The following PDZD7 variants were observed in gnomAD, a reference collection of about 807,000 sequenced individuals.
PDZD7 encodes the protein PDZ domain-containing protein 7.
In PDZD7, 72 loss-of-function variants were observed where a neutral mutation model predicts 84.7. That is an observed-to-expected ratio of 0.85 (90% CI 0.70 to 1.03). PDZD7 has a LOEUF of 1.03. Among genes scored for constraint, PDZD7 ranks in the 50% least tolerant of loss-of-function variants. The probability of loss-of-function intolerance (pLI) is 0.00; values close to 1 mark genes in which losing one functional copy is unlikely to be tolerated. For synonymous variants in PDZD7, 594 were observed against 580.7 expected (o/e 1.02, Z -0.33); for missense variants, 1,490 against 1,412.9 (o/e 1.05, Z -0.87).
rs1362123016 is a variant in PDZD7 at position 101,010,625 on chromosome 10, G to A, written c.2264C>T (p.Pro755Leu). ...PLRPNWLLTE[P>L]LSREHPPQSQ... ...CTGCGGAGGGTGCTCTCGGCTCAGG[G>A]GTTCTGTCAGCAGCCAGTTAGGCCG... Residue 755 changes from proline to leucine, a missense_variant, in exon 15 of 17, where the codon CCC (proline) becomes CTC (leucine). By Grantham distance (98) the Pro-to-Leu change is moderately conservative. Coordinates refer to ENST00000619208, the MANE Select transcript of PDZD7 (RefSeq NM_001195263.2). 1 of 1,504,782 alleles carries A rather than the reference G, an allele frequency of 6.6e-7. No homozygotes were observed. Among genetic ancestry groups the A allele is most frequent in the Admixed American group, 2.0e-5 (1 of 49,686 alleles). 93.2% of individuals were successfully genotyped at this position (1,504,782 alleles called of 1,614,324 possible).
Position 101,018,930 on chromosome 10 carries a change from G to T in PDZD7, c.1216C>A (p.Arg406Ser). 6.2e-7 allele frequency: 1 copy of T among 1,602,908 alleles called. No homozygotes were observed. Among genetic ancestry groups the T allele is most frequent in the Non-Finnish European group, 8.5e-7 (1 of 1,175,448 alleles). ...AIRSDGPHPG[R>S]RLDSALSESP... ...TCAGAGAGCGCAGAGTCAAGGCGGC[G>T]GCCGGGATGGGGGCCGTCCGAGCGG... The change falls in exon 8 of 17, where the codon CGC becomes AGC. Residue 406 changes from arginine (R) to serine (S), a missense_variant. Arg to Ser is a moderately radical substitution (Grantham distance 110, BLOSUM62 -1). Transcript: ENST00000619208.
Position 101,008,305 on chromosome 10 carries a change from CAGCTGAGGAGGGAAGAA to C in PDZD7, c.*145_*161del. 1 of 778,206 alleles carries C rather than the reference CAGCTGAGGAGGGAAGAA, an allele frequency of 1.3e-6. No homozygotes were observed. 48.2% of individuals were successfully genotyped at this position (778,206 alleles called of 1,614,324 possible). Reference sequence around the variant, plus strand: ...GGACACTAAGGCAGAGCCTTAATGACAGCTGAGGAGGGAAGAAAGTGGAAAGATGTGAGCCACCAGTG... The same window carrying C: ...GGACACTAAGGCAGAGCCTTAATGACAGTGGAAAGATGTGAGCCACCAGTG... On this transcript the variant is annotated 3_prime_UTR_variant, in exon 17 of 17. Coordinates refer to ENST00000619208, the MANE Select transcript of PDZD7 (RefSeq NM_001195263.2).
At chr10:101,019,456 TCA>T (rs961534685) in intron 7 of PDZD7, among the ~76,000 whole-genome samples, 2 of 152,046 alleles carry the variant, frequency 1.3e-5, no homozygotes, top group African/African-American at 4.8e-5. Context: ...CCGCAGATTC[TCA>T]GAGGGGAGCC....
Position 101,012,166 on chromosome 10 carries a change from C to T in PDZD7, c.1841+1G>A. On this transcript the variant is annotated splice_donor_variant, in intron 12 of 16. Transcript: ENST00000619208. LOFTEE classifies it high-confidence loss of function. Reference sequence around the variant, plus strand: ...AAGCCCTCTCTGCAACCTCCTCCCACCTGATGTCCTGCAGCAGTAGCAGCT... The same window carrying T: ...AAGCCCTCTCTGCAACCTCCTCCCATCTGATGTCCTGCAGCAGTAGCAGCT... 6.4e-7 allele frequency: 1 copy of T among 1,550,496 alleles called. No homozygotes were observed. Among genetic ancestry groups the T allele is most frequent in the Non-Finnish European group, 8.7e-7 (1 of 1,146,944 alleles).
At position 101,019,128 on chromosome 10, in the gene PDZD7, C is replaced by T. The variant is rs771074809; in HGVS notation, c.1018G>A (p.Gly340Ser). The T allele has an allele frequency of 3.2e-6, 5 of 1,547,668 alleles. No homozygotes were observed. Among genetic ancestry groups the T allele is most frequent in the Admixed American group, 1.9e-5 (1 of 52,354 alleles). The change falls in exon 8 of 17, where the codon GGC (glycine) becomes AGC (serine). Residue 340 changes from glycine (G) to serine (S), a missense_variant. Coordinates refer to ENST00000619208, the MANE Select transcript of PDZD7 (RefSeq NM_001195263.2). The stretch of plus-strand genomic sequence containing the variant: ...TCCATGCGGTCCGACGGCAGGGAGC[C>T]CGAGCTGTAGGGGGCGCTGGAGGCG... Reference protein sequence around the residue: ...SCASSAPYSSGSLPSDRMDIC... With the variant: ...SCASSAPYSSSSLPSDRMDIC...
In PDZD7 at chr10:101,010,271, C is replaced by T; in HGVS notation, c.2617+1G>A. 6.6e-7 allele frequency: 1 copy of T among 1,524,278 alleles called. No homozygotes were observed. The highest frequency in any genetic ancestry group is 8.8e-7 in the Non-Finnish European group (1 of 1,137,112). The allele number at this position is 1,524,278 out of a possible 1,614,324, so 94.4% of individuals were successfully genotyped here. ...CCGGGCCCAGTCCCACGTGGACTCACCTAAGGACTGCTTCATCTTGGACAG... is the reference window on the plus strand; with the variant it reads ...CCGGGCCCAGTCCCACGTGGACTCATCTAAGGACTGCTTCATCTTGGACAG... On this transcript the variant is annotated splice_donor_variant, in intron 15 of 16. Coordinates refer to ENST00000619208, the MANE Select transcript of PDZD7 (RefSeq NM_001195263.2). LOFTEE classifies it high-confidence loss of function.
chr10:101,020,075 C>T (rs950031660), intron 7 of PDZD7, among the ~76,000 whole-genome samples: 2 of 150,708 alleles, frequency 1.3e-5, no homozygotes, highest in African/African-American at 4.9e-5. Context: ...ACCACAGGCC[C>T]TCACCACCAC....
At position 101,011,999 on chromosome 10, in the gene PDZD7, G is replaced by T. The variant is rs1356922296; in HGVS notation, c.1859C>A (p.Thr620Lys). 1 of 1,550,460 alleles carries T rather than the reference G, an allele frequency of 6.4e-7. No individual in the cohort carries two copies. The highest frequency in any genetic ancestry group is 1.2e-5 in the South Asian group (1 of 84,056). The change falls in exon 13 of 17, where the codon ACA (threonine) becomes AAA (lysine). Residue 620 changes from threonine to lysine, a missense_variant. Transcript: ENST00000619208. Reference protein sequence around the residue: ...LQDIRSVVAPTDLGRFDSMVM... With the variant: ...LQDIRSVVAPKDLGRFDSMVM... ...CATGCTGTCGAAGCGGCCCAGGTCTGTGGGGGCCACCACACTCCTGGGAGA... is the reference window on the plus strand; with the variant it reads ...CATGCTGTCGAAGCGGCCCAGGTCTTTGGGGGCCACCACACTCCTGGGAGA...
intron 7 of PDZD7, among the ~76,000 whole-genome samples, chr10:101,019,838 CT>C (rs1038444361): frequency 4.0e-4 from 60 of 151,460 alleles, no homozygotes; most frequent in African/African-American, 1.5e-3. Flanking sequence ...GTTGGCCAGG[CT>C]GGTCTCGAGC....
rs1425165734 is a variant in PDZD7, at chr10:101,008,456, T to C, written c.*11A>G. ...TGGAGTCAGTGGGTGAATCTGAGGT[T>C]AGGGGGAGGGTCATGGGATGCGTGG... On this transcript the variant is annotated 3_prime_UTR_variant, in exon 17 of 17. Coordinates refer to ENST00000619208, the MANE Select transcript of PDZD7 (RefSeq NM_001195263.2). The C allele has an allele frequency of 1.4e-5, 21 of 1,487,904 alleles. No homozygotes were observed. The highest frequency in any genetic ancestry group is 1.9e-5 in the Non-Finnish European group (21 of 1,121,646). The allele number at this position is 1,487,904 out of a possible 1,614,324, so 92.2% of individuals were successfully genotyped here. A position where few individuals can be genotyped will look rare whatever the true frequency, so the allele number is the denominator to read the frequency against.
Position 101,015,823 on chromosome 10 carries a change from G to C in PDZD7, c.1574-12C>G. The C allele has an allele frequency of 6.5e-7, 1 of 1,544,140 alleles. No individual in the cohort carries two copies. On this transcript the variant is annotated splice_polypyrimidine_tract_variant and intron_variant, in intron 10 of 16. Transcript: ENST00000619208. The stretch of plus-strand genomic sequence containing the variant: ...GCCCCTCTCCTGGTCTGCAGGGCAG[G>C]AACCATCAGGGGAGGGGAGAGGGGC...
chr10:101,009,903 G>A (rs973356081), intron 15 of PDZD7, among the ~76,000 whole-genome samples: 4 of 150,874 alleles, frequency 2.7e-5, no homozygotes, highest in South Asian at 2.1e-4. Flanking sequence ...CACCGCGCCC[G>A]GCTGAGACAG....
chr10:101,015,535 G>A (rs904029328), intron 11 of PDZD7, 101 bp downstream of exon 11: 3 of 1,404,278 alleles, frequency 2.1e-6, no homozygotes, highest in South Asian at 1.4e-5. Flanking sequence ...GCCTCCTGGT[G>A]TCAAGCCCAG....
intron 9 of PDZD7, 46 bp downstream of exon 9, chr10:101,018,053 T>C (rs1223592668): frequency 4.3e-6 from 7 of 1,612,474 alleles, no homozygotes; most frequent in Non-Finnish European, 5.9e-6. Flanking sequence ...ATGCCGAAGC[T>C]AGTGGACTTC....
At chr10:101,017,655 G>A (rs1259084521) in intron 9 of PDZD7, 1 of 699,804 alleles carries the variant, frequency 1.4e-6, no homozygotes, top group East Asian at 2.7e-5. Context: ...GCATGGTGAT[G>A]CACACGTGTC....
intron 15 of PDZD7, 84 bp from the exon 16 acceptor site, chr10:101,009,434 CA>C (rs1852318602): frequency 9.2e-7 from 1 of 1,083,580 alleles, no homozygotes; most frequent in African/African-American, 1.6e-5. Context: ...ATCCCATCCC[CA>C]AATCCAAGGC....
At position 101,028,602 on chromosome 10, in the gene PDZD7, T is replaced by TA. The variant is rs71975380; in HGVS notation, c.226+1391dup. Among the ~76,000 whole-genome samples, 373 of 134,800 alleles carry TA rather than the reference T, an allele frequency of 2.8e-3. 2 individuals are homozygous for TA. Among genetic ancestry groups the TA allele is most frequent in the South Asian group, 9.5e-3 (41 of 4,310 alleles). The allele number at this position is 134,800 out of a possible 152,430, so 88.4% of individuals were successfully genotyped here. ...CGACAGAGCAAGACCCTTTCCCTCT[T>TA]AAAAAAAAAAAAAAAGACGTTATAA... is the stretch of plus-strand genomic sequence containing the variant. On this transcript the variant is annotated intron_variant, in intron 2 of 16. Coordinates refer to ENST00000619208, the MANE Select transcript of PDZD7 (RefSeq NM_001195263.2).
rs555108174 is a variant in PDZD7 at position 101,009,274 on chromosome 10, G to A, written c.2694C>T (p.Ala898=). 1.6e-5 allele frequency: 25 copies of A among 1,535,934 alleles called. No homozygotes were observed. Among genetic ancestry groups the A allele is most frequent in the Admixed American group, 1.4e-4 (7 of 50,982 alleles). Residue 898 remains alanine (A), a synonymous_variant, in exon 16 of 17, where the codon GCC becomes GCT. Coordinates refer to ENST00000619208, the MANE Select transcript of PDZD7 (RefSeq NM_001195263.2). The part of the protein sequence containing the change: ...VKIEKIFPGG[A]AFLSGALQAG... ...CCTGCAGGGCCCCACTGAGGAAAGCGGCCCCCCCAGGGAAGATCTTCTCTA... is the reference window on the plus strand; with the variant it reads ...CCTGCAGGGCCCCACTGAGGAAAGCAGCCCCCCCAGGGAAGATCTTCTCTA...
chr10:101,021,797 C>T lies in PDZD7; in HGVS notation c.867+1G>A. ...CTCCCTACCCCCACTGTTCTGCCCA[C>T]CTTGATGGTCAGCATGATGTGCGTT... On this transcript the variant is annotated splice_donor_variant, in intron 6 of 16. Transcript: ENST00000619208. LOFTEE classifies it high-confidence loss of function. The T allele has an allele frequency of 1.2e-6, 2 of 1,614,206 alleles. No individual in the cohort carries two copies. Among genetic ancestry groups the T allele is most frequent in the South Asian group, 1.1e-5 (1 of 91,082 alleles).
Sources: allele counts gnomAD v4.1 joint callset (sites outside exome capture counted in the v4.1 genomes callset), GRCh38; gene constraint gnomAD v4.1.1; transcripts MANE v1.5; gene names NCBI Gene and HGNC (gene_info 2026-07-23, HGNC 2026-07-21).